CRACDL: variants seen among roughly 807,000 people sequenced by gnomAD.
CRACDL encodes the protein CRACD-like protein.
Under a neutral mutation model 70.6 loss-of-function variants are expected in CRACDL, and 26 were observed. The ratio of observed to expected loss-of-function variants is 0.37; its 90% CI spans 0.27 to 0.51. The LOEUF (loss-of-function observed/expected upper bound fraction) is 0.51. Among genes scored for constraint, CRACDL ranks in the 20% least tolerant of loss-of-function variants. The pLI is 0.94. For missense variants in CRACDL, 1,283 were observed against 1,376.9 expected, an observed-to-expected ratio of 0.93 and a Z score of 1.08; for synonymous variants, 618 against 615.2, an observed-to-expected ratio of 1.00 and a Z score of -0.07.
intron 1 of CRACDL, among the ~76,000 whole-genome samples, chr2:98,926,060 A>C (rs1708902769): frequency 6.6e-6 from 1 of 152,230 alleles, no homozygotes; most frequent in African/African-American, 2.4e-5. Context: ...AATTGAAAGA[A>C]AAACCGCTGT....
intron 1 of CRACDL, among the ~76,000 whole-genome samples, chr2:98,925,791 T>C (rs1270327094): frequency 6.6e-6 from 1 of 152,010 alleles, no homozygotes; most frequent in Admixed American, 6.6e-5. Flanking sequence ...ACCCAAAAGG[T>C]GGGGAGCAAT....
At chr2:98,801,187 CAAGAGGG>C (rs1704060652) in intron 7 of CRACDL, among the ~76,000 whole-genome samples, 2 of 152,200 alleles carry the variant, frequency 1.3e-5, no homozygotes, top group Non-Finnish European at 2.9e-5. Flanking sequence ...GTCAGGAATG[CAAGAGGG>C]CCCTTGTAAT....
intron 7 of CRACDL, 146 bp downstream of exon 7, chr2:98,821,711 A>G (rs1705036515): frequency 5.6e-6 from 6 of 1,079,746 alleles, no homozygotes; most frequent in African/African-American, 1.7e-5. Context: ...TAGATCAGAC[A>G]TGATGTTAGT....
At chr2:98,828,857 G>A (rs946535211) in intron 5 of CRACDL, among the ~76,000 whole-genome samples, 1 of 152,170 alleles carries the variant, frequency 6.6e-6, no homozygotes, top group African/African-American at 2.4e-5. Context: ...TGTGGCTTTG[G>A]CTCTCACTGT....
rs528350063 is a variant in CRACDL at position 98,891,153 on chromosome 2, C to T, written c.-10-44343G>A. 4.6e-5 allele frequency among the ~76,000 whole-genome samples: 7 copies of T among 151,382 alleles called. No homozygotes were observed. The South Asian group carries it at 1.0e-3, about 23-fold the overall frequency. On this transcript the variant is annotated intron_variant, in intron 1 of 9. Coordinates refer to ENST00000397899, the MANE Select transcript of CRACDL (RefSeq NM_207362.3). ...CAGCACTTTGGAAGGCCAAGGTGGG[C>T]GGATCACTTGAGGTCAGTAGTTCAA...
chr2:98,930,981 C>G (rs1709059245), intron 1 of CRACDL, among the ~76,000 whole-genome samples: 1 of 151,980 alleles, frequency 6.6e-6, no homozygotes, highest in Admixed American at 6.6e-5. Context: ...ACCCCCCCAC[C>G]CCATCTAAGG....
chr2:98,874,678 T>C (rs1308641005), intron 1 of CRACDL, among the ~76,000 whole-genome samples: 1 of 152,190 alleles, frequency 6.6e-6, no homozygotes, highest in African/African-American at 2.4e-5. Flanking sequence ...GGGCAAGGAA[T>C]GGTGACAGAA....
intron 7 of CRACDL, among the ~76,000 whole-genome samples, chr2:98,820,070 G>A (rs561837667): frequency 1.2e-3 from 183 of 151,422 alleles, no homozygotes; most frequent in Middle Eastern, 6.8e-3. Context: ...CGCCTGCCTC[G>A]GCGTCCCAAA....
intron 1 of CRACDL, among the ~76,000 whole-genome samples, chr2:98,890,827 T>A (rs1471608920): frequency 2.0e-5 from 3 of 151,940 alleles, no homozygotes; most frequent in Non-Finnish European, 2.9e-5. Flanking sequence ...GAGGCCGAGG[T>A]GGGTGGACCA....
At chr2:98,838,493 G>A (rs908343569) in intron 2 of CRACDL, among the ~76,000 whole-genome samples, 2 of 151,956 alleles carry the variant, frequency 1.3e-5, no homozygotes, top group African/African-American at 4.8e-5. Flanking sequence ...TTTTTATTTA[G>A]GATATTTAAA....
intron 1 of CRACDL, among the ~76,000 whole-genome samples, chr2:98,930,805 G>A (rs1709054747): frequency 6.6e-6 from 1 of 152,162 alleles, no homozygotes; most frequent in African/African-American, 2.4e-5. Flanking sequence ...AACATTATTA[G>A]TAGGGGTCCT....
intron 1 of CRACDL, among the ~76,000 whole-genome samples, chr2:98,914,449 T>G (rs971114393): frequency 4.6e-5 from 7 of 152,218 alleles, no homozygotes; most frequent in African/African-American, 1.7e-4. Flanking sequence ...CCTGCAGCCC[T>G]CACCCAGACA....
intron 1 of CRACDL, among the ~76,000 whole-genome samples, chr2:98,885,313 G>A (rs1490935460): frequency 6.6e-6 from 1 of 152,180 alleles, no homozygotes; most frequent in African/African-American, 2.4e-5. Context: ...CTGATTTAAA[G>A]GTCTCTCTTT....
At chr2:98,906,906 G>A (rs1037221797) in intron 1 of CRACDL, among the ~76,000 whole-genome samples, 1 of 152,154 alleles carries the variant, frequency 6.6e-6, no homozygotes, top group African/African-American at 2.4e-5. Context: ...CTTGGGGCTA[G>A]AGCAGTCTTA....
intron 7 of CRACDL, among the ~76,000 whole-genome samples, chr2:98,815,872 G>A (rs541366964): frequency 3.3e-5 from 5 of 152,352 alleles, no homozygotes; most frequent in Non-Finnish European, 7.4e-5. Context: ...ACTGCCACCA[G>A]GGCAAGTAGT....
intron 1 of CRACDL, among the ~76,000 whole-genome samples, chr2:98,857,352 TA>T (rs1170660056): frequency 6.6e-6 from 1 of 152,158 alleles, no homozygotes; most frequent in Non-Finnish European, 1.5e-5. Flanking sequence ...GAAAATGATA[TA>T]AAAATATAAT....
intron 1 of CRACDL, among the ~76,000 whole-genome samples, chr2:98,900,210 G>C (rs1339014400): frequency 7.2e-6 from 1 of 138,460 alleles, no homozygotes; most frequent in Non-Finnish European, 1.6e-5. Flanking sequence ...GGGGACAGAG[G>C]CTCAGTGGGA....
At chr2:98,826,895 G>C in intron 6 of CRACDL, 80 bp downstream of exon 6, 1 of 1,031,098 alleles carries the variant, frequency 9.7e-7, no homozygotes, top group Non-Finnish European at 1.4e-6. Flanking sequence ...GTGTGGGGGA[G>C]TGAGGCAGGT....
Position 98,822,412 on chromosome 2 carries a change from C to T in CRACDL, c.1861G>A (p.Glu621Lys), listed in dbSNP as rs1705096620. Residue 621 changes from glutamate to lysine, a missense_variant, in exon 7 of 10, where the codon GAG (glutamate) becomes AAG (lysine). This residue lies in a region of CRACDL where 921 missense variants were observed against 881.9 expected (regional missense o/e 1.04). Coordinates refer to ENST00000397899, the MANE Select transcript of CRACDL (RefSeq NM_207362.3). The surrounding 1 kb of genome is among the most constrained non-coding windows in gnomAD (Gnocchi z 4.9). ...GGGCCAGGTTTCGCGTGCTGGGGCT[C>T]GGGGAGACCCTGGAGGTCGTCAAGA... ...AALDDLQGLP[E>K]PQHAKPGPRK... 2 of 1,483,806 alleles carry T rather than the reference C, an allele frequency of 1.3e-6. No individual in the cohort carries two copies. The allele number at this position is 1,483,806 out of a possible 1,614,324, so 91.9% of individuals were successfully genotyped here.
Sources: gnomAD v4.1 joint callset for allele counts (sites outside exome capture counted in the v4.1 genomes callset) on GRCh38, gnomAD v4.1.1 for gene constraint, gnomAD v4.1.1 regional missense constraint, Gnocchi (gnomAD v3.1) non-coding constraint, MANE v1.5 for transcripts, NCBI Gene and HGNC (gene_info 2026-07-23, HGNC 2026-07-21) for gene names.